Variants in PHF21B observed in about 807,000 individuals in gnomAD.
PHF21B encodes PHD finger protein 4.
In PHF21B, 22 loss-of-function variants were observed where a neutral mutation model predicts 62.2. The ratio of observed to expected loss-of-function variants is 0.35; its 90% CI spans 0.25 to 0.51. The LOEUF is 0.51. Among genes scored for constraint, PHF21B ranks in the 20% least tolerant of loss-of-function variants. The pLI is 0.97. For missense variants in PHF21B, 701 were observed against 707.9 expected, an observed-to-expected ratio of 0.99 and a Z score of 0.11; for synonymous variants, 341 against 314.7, an observed-to-expected ratio of 1.08 and a Z score of -0.88.
rs746113528 is a variant in PHF21B at position 44,887,957 on chromosome 22, C to T, written c.1197+6G>A. 5.3e-6 allele frequency: 8 copies of T among 1,517,302 alleles called. No homozygotes were observed. In the South Asian group the frequency reaches 1.1e-4, roughly 20 times the overall value. 94.0% of individuals were successfully genotyped at this position (1,517,302 alleles called of 1,614,324 possible). A position where few individuals can be genotyped will look rare whatever the true frequency, so the allele number is the denominator to read the frequency against. ...TGGGGTGAGGGGGTCACACAGCCTC[C>T]TGTACCTTCTGCTGGCACCTGGGGC... On this transcript the variant is annotated splice_donor_region_variant and intron_variant, in intron 10 of 12. Coordinates refer to ENST00000313237, the MANE Select transcript of PHF21B (RefSeq NM_138415.5).
chr22:44,964,211 T>C (rs1176356901), intron 2 of PHF21B, among the ~76,000 whole-genome samples: 2 of 152,240 alleles, frequency 1.3e-5, no homozygotes, highest in African/African-American at 4.8e-5. Context: ...AATATTAATA[T>C]TCACCGAGGC....
chr22:44,982,171 G>T (rs1307011140), intron 2 of PHF21B, among the ~76,000 whole-genome samples: 3 of 151,280 alleles, frequency 2.0e-5, no homozygotes, highest in African/African-American at 7.3e-5. Flanking sequence ...CAGCCTCAGT[G>T]TTTTTTTTTC....
intron 2 of PHF21B, among the ~76,000 whole-genome samples, chr22:44,976,875 A>AC (rs1319827340): frequency 6.6e-6 from 1 of 152,254 alleles, no homozygotes; most frequent in Non-Finnish European, 1.5e-5. Flanking sequence ...GCGGGGGCTC[A>AC]CAATGCAGTC....
At chr22:44,912,997 C>T (rs998853848) in intron 5 of PHF21B, among the ~76,000 whole-genome samples, 5 of 151,958 alleles carry the variant, frequency 3.3e-5, no homozygotes, top group Admixed American at 6.6e-5. Flanking sequence ...CCTAGGATGC[C>T]GAGGACCAAG....
intron 10 of PHF21B, among the ~76,000 whole-genome samples, chr22:44,886,392 CAAAAAAAAAAAAAAA>C (rs61502377): frequency 1.9e-5 from 1 of 53,168 alleles, no homozygotes; most frequent in African/African-American, 7.0e-5. Flanking sequence ...GAAGAAGAGG[CAAAAAAAAAAAAAAA>C]AAAAAAAAAA....
At chr22:44,893,411 G>GT in intron 7 of PHF21B, 46 bp downstream of exon 7, 1 of 1,541,982 alleles carries the variant, frequency 6.5e-7, no homozygotes, top group Non-Finnish European at 8.8e-7. Context: ...GCTGTGCACT[G>GT]GGAGCCCCCA....
At chr22:44,930,069 G>A (rs2071710157) in intron 2 of PHF21B, among the ~76,000 whole-genome samples, 2 of 152,264 alleles carry the variant, frequency 1.3e-5, no homozygotes, top group South Asian at 4.1e-4. Flanking sequence ...ACTTGCCCGG[G>A]TCACCAAGAG....
intron 6 of PHF21B, 118 bp downstream of exon 6, chr22:44,895,914 C>A: frequency 1.8e-6 from 2 of 1,104,802 alleles, no homozygotes; most frequent in South Asian, 2.5e-5. Flanking sequence ...TGAGGCCACG[C>A]TCCACCCATA....
Position 44,913,867 on chromosome 22 carries a change from G to A in PHF21B, c.786C>T (p.Thr262=). ...TEEPSQGAQA[T]KKKKEDRPPT... ...GGGGCCGGTCTTCCTTCTTCTTTTT[G>A]GTGGCCTGAGCTCCCTGAGATGGCT... Residue 262 remains threonine (T), a synonymous_variant, in exon 5 of 13, where the codon ACC becomes ACT. Transcript: ENST00000313237. 1 of 1,613,984 alleles carries A rather than the reference G, an allele frequency of 6.2e-7. No homozygotes were observed. The highest frequency in any genetic ancestry group is 8.5e-7 in the Non-Finnish European group (1 of 1,179,992).
At chr22:44,945,037 T>G (rs1601628037) in intron 2 of PHF21B, among the ~76,000 whole-genome samples, 1 of 130,834 alleles carries the variant, frequency 7.6e-6, no homozygotes, top group Non-Finnish European at 1.6e-5. Flanking sequence ...TCAAAGGTGC[T>G]TGCGACGGCT....
chr22:44,995,989 G>T (rs2073115909), intron 2 of PHF21B, among the ~76,000 whole-genome samples: 1 of 152,204 alleles, frequency 6.6e-6, no homozygotes, highest in Admixed American at 6.5e-5. Context: ...TCGATCTGCA[G>T]GGGTGTCCCT....
chr22:44,925,853 T>C (rs941802559), intron 2 of PHF21B, among the ~76,000 whole-genome samples: 11 of 152,172 alleles, frequency 7.2e-5, no homozygotes, highest in Admixed American at 2.0e-4. Flanking sequence ...TGGAAGGCTC[T>C]GATCTCCCCG....
In PHF21B at chr22:45,009,103, T is replaced by C; in HGVS notation, c.54+393A>G. ...CAGCAGCGATCGCCAAAACTACTTC[T>C]GCACACCGGGCAGGTTCGCCCGGGG... is the stretch of plus-strand genomic sequence containing the variant. On this transcript the variant is annotated intron_variant, in intron 1 of 12. Transcript: ENST00000313237. The surrounding 1 kb of genome is among the most constrained non-coding windows in gnomAD (Gnocchi z 5.9). The C allele has an allele frequency of 1.0e-6, 1 of 952,656 alleles. No homozygotes were observed. Among genetic ancestry groups the C allele is most frequent in the Non-Finnish European group, 1.3e-6 (1 of 757,550 alleles). The allele number at this position is 952,656 out of a possible 1,614,324, so 59.0% of individuals were successfully genotyped here.
intron 10 of PHF21B, 97 bp downstream of exon 10, chr22:44,887,866 C>T (rs1373300630): frequency 7.8e-7 from 1 of 1,280,728 alleles, no homozygotes; most frequent in South Asian, 2.4e-5. Context: ...CTTCCTATAC[C>T]CAAGCCCCTT....
Position 44,953,446 on chromosome 22 carries a change from C to T in PHF21B, c.121-32956G>A, listed in dbSNP as rs557994242. On this transcript the variant is annotated intron_variant, in intron 2 of 12. Transcript: ENST00000313237. Reference sequence around the variant, plus strand: ...TTGTGGTGTGATCACCGCTAATTTTCCACGTTCCCTTTCGTTTTATTTTTC... The same window carrying T: ...TTGTGGTGTGATCACCGCTAATTTTTCACGTTCCCTTTCGTTTTATTTTTC... 4.6e-5 allele frequency among the ~76,000 whole-genome samples: 7 copies of T among 152,296 alleles called. 1 individual carries two copies. The highest frequency in any genetic ancestry group is 4.6e-4 in the Admixed American group (7 of 15,298).
intron 2 of PHF21B, among the ~76,000 whole-genome samples, chr22:44,999,715 G>A (rs2073180203): frequency 6.6e-6 from 1 of 151,984 alleles, no homozygotes; most frequent in Admixed American, 6.6e-5. Context: ...TGGAGTTAAG[G>A]TCACGAAGCT....
chr22:44,946,509 G>C (rs1477227426), intron 2 of PHF21B, among the ~76,000 whole-genome samples: 3 of 152,144 alleles, frequency 2.0e-5, no homozygotes, highest in Admixed American at 1.3e-4. Flanking sequence ...ATTATGGATG[G>C]ATGAAAGGGT....
chr22:45,004,420 TGGTA>T (rs923385796), intron 2 of PHF21B, among the ~76,000 whole-genome samples: 1 of 152,100 alleles, frequency 6.6e-6, no homozygotes, highest in Non-Finnish European at 1.5e-5. Context: ...GCCACACAGG[TGGTA>T]GCCAGGCTAA....
chr22:44,899,998 CTTTAA>C (rs2071129098), intron 5 of PHF21B, among the ~76,000 whole-genome samples: 2 of 152,158 alleles, frequency 1.3e-5, no homozygotes. Flanking sequence ...AAATGGTTCT[CTTTAA>C]TTTTTCAGCT....
Sources: allele counts gnomAD v4.1 joint callset (sites outside exome capture counted in the v4.1 genomes callset), GRCh38; gene constraint gnomAD v4.1.1; non-coding constraint Gnocchi (gnomAD v3.1); transcripts MANE v1.5; gene names NCBI Gene and HGNC (gene_info 2026-07-23, HGNC 2026-07-21).